The following MPV17 variants were observed in gnomAD, a reference collection of about 807,000 sequenced individuals.
MPV17 encodes the protein mitochondrial inner membrane protein MPV17.
Under a neutral mutation model 28.6 loss-of-function variants are expected in MPV17, and 31 were observed. The observed-to-expected ratio is 1.08, with a 90% CI of 0.81 to 1.46. MPV17 has a LOEUF of 1.46. Among genes scored for constraint, MPV17 ranks in the 40% most tolerant of loss-of-function variants. The pLI is 0.00. For missense variants in MPV17, 198 were observed against 216.2 expected (o/e 0.92, Z 0.53); for synonymous variants, 87 against 85.3 (o/e 1.02, Z -0.11).
At chr2:27,316,118 G>A (rs1010353797) in intron 2 of MPV17, 47 of 1,550,928 alleles carry the variant, frequency 3.0e-5, no homozygotes, top group African/African-American at 5.5e-5. Context: ...CTTCCTCTCT[G>A]TCTTTACTCC....
chr2:27,310,205 C>T (rs899395691), intron 7 of MPV17, among the ~76,000 whole-genome samples: 9 of 152,108 alleles, frequency 5.9e-5, no homozygotes, highest in Admixed American at 3.9e-4. Flanking sequence ...AATCAATTCT[C>T]GTGCCTCAGC....
At chr2:27,315,995 TCA>T in intron 2 of MPV17, 1 of 1,534,208 alleles carries the variant, frequency 6.5e-7, no homozygotes, top group Admixed American at 2.0e-5. Context: ...TGAGATGGGC[TCA>T]GAGGTCAGTG....
rs1268436604 is a variant in MPV17 at position 27,317,373 on chromosome 2, C to A, written c.71-4264G>T. On this transcript the variant is annotated intron_variant, in intron 2 of 7. Transcript: ENST00000380044. The surrounding 1 kb of genome is among the most constrained non-coding windows in gnomAD (Gnocchi z 4.0). ...TCTCCCATTTCTGACCTGAACCCAT[C>A]CTACTGCTAGAAAATGAGACAAAAC... 5 of 696,460 alleles carry A rather than the reference C, an allele frequency of 7.2e-6. No individual in the cohort carries two copies. The highest frequency in any genetic ancestry group is 1.1e-5 in the Non-Finnish European group (5 of 445,904). The allele number at this position is 696,460 out of a possible 1,614,324, so 43.1% of individuals were successfully genotyped here.
Position 27,317,055 on chromosome 2 carries a change from T to C in MPV17, c.71-3946A>G. The C allele has an allele frequency of 6.5e-7, 1 of 1,537,694 alleles. No individual in the cohort carries two copies. The highest frequency in any genetic ancestry group is 8.8e-7 in the Non-Finnish European group (1 of 1,140,474). On this transcript the variant is annotated intron_variant, in intron 2 of 7. Coordinates refer to ENST00000380044, the MANE Select transcript of MPV17 (RefSeq NM_002437.5). The surrounding 1 kb of genome is among the most constrained non-coding windows in gnomAD (Gnocchi z 4.0). The stretch of plus-strand genomic sequence containing the variant: ...ATGGGCAGGGTAAATTCCCTACTTC[T>C]CCTATTTTGTTCCTCTACTTACTTT...
At chr2:27,319,615 G>A (rs1244590567) in intron 2 of MPV17, among the ~76,000 whole-genome samples, 1 of 151,126 alleles carries the variant, frequency 6.6e-6, no homozygotes, top group East Asian at 2.0e-4. Flanking sequence ...GAGTCTTTAA[G>A]TTCACTGAGC....
chr2:27,314,448 C>A (rs1009768085), intron 2 of MPV17, among the ~76,000 whole-genome samples: 2 of 152,176 alleles, frequency 1.3e-5, no homozygotes, highest in Non-Finnish European at 2.9e-5. Context: ...ATCAGCTAAA[C>A]CAAGATTTCC....
At chr2:27,313,847 G>T (rs775465065) in intron 2 of MPV17, among the ~76,000 whole-genome samples, 2 of 152,140 alleles carry the variant, frequency 1.3e-5, no homozygotes, top group Non-Finnish European at 2.9e-5. Context: ...AAGTAGCTGG[G>T]ACTACAGGCA....
intron 2 of MPV17, chr2:27,316,984 T>A: frequency 8.2e-7 from 1 of 1,226,170 alleles, no homozygotes. Flanking sequence ...GACCACTTCC[T>A]GCCCACTAGT....
At chr2:27,322,605 T>C (rs1558606304) in intron 1 of MPV17, 83 bp from the exon 2 acceptor site, 1 of 1,101,364 alleles carries the variant, frequency 9.1e-7, no homozygotes, top group Non-Finnish European at 1.4e-6. Context: ...TTGTGCCCAC[T>C]CCCTTCCCCT....
rs201202659 is a variant in MPV17, at chr2:27,309,900, A to C, written c.*12T>G. 9.2e-4 allele frequency: 1,479 copies of C among 1,611,112 alleles called. 1 individual carries two copies. Among genetic ancestry groups the C allele is most frequent in the Middle Eastern group, 1.8e-3 (11 of 6,060 alleles). ...CATCACTGCAAGGTGGAAACGATGG[A>C]GTGAGGCAGGCTTAGAGCCGATGTG... On this transcript the variant is annotated 3_prime_UTR_variant, in exon 8 of 8. Transcript: ENST00000380044.
At chr2:27,311,414 C>T (rs35902415) in intron 7 of MPV17, 2 of 660,092 alleles carry the variant, frequency 3.0e-6, no homozygotes, top group African/African-American at 3.6e-5. Flanking sequence ...CCTGTTCCCT[C>T]TGAAGCGTTC....
chr2:27,322,246 G>T lies in MPV17; in HGVS notation c.70+202C>A, dbSNP rs144160952. On this transcript the variant is annotated intron_variant, in intron 2 of 7. Coordinates refer to ENST00000380044, the MANE Select transcript of MPV17 (RefSeq NM_002437.5). ...TGAAATCCTAAAACCCTACTGCACA[G>T]CTTGGCCAACTACGCATACCCCTTA... 76 of 628,976 alleles carry T rather than the reference G, an allele frequency of 1.2e-4. No individual in the cohort carries two copies. The East Asian group carries it at 2.0e-3, about 17-fold the overall frequency. The allele number at this position is 628,976 out of a possible 1,614,324, so 39.0% of individuals were successfully genotyped here.
intron 6 of MPV17, 82 bp downstream of exon 6, chr2:27,312,132 A>T (rs531941081): frequency 1.3e-6 from 2 of 1,523,778 alleles, no homozygotes; most frequent in Admixed American, 1.7e-5. Flanking sequence ...AGGGTTTCCC[A>T]TGTCAGGAGG....
At chr2:27,312,025 A>T in intron 6 of MPV17, 74 bp from the exon 7 acceptor site, 1 of 1,562,726 alleles carries the variant, frequency 6.4e-7, no homozygotes, top group African/African-American at 1.3e-5. Flanking sequence ...GCCTGGCCCT[A>T]CCCCAACTTC....
intron 2 of MPV17, chr2:27,313,361 T>C (rs923866343): frequency 1.4e-5 from 10 of 731,820 alleles, no homozygotes; most frequent in African/African-American, 1.2e-4. Context: ...CATTGAGCAG[T>C]AAAGGGAAGT....
rs1397019715 is a variant in MPV17 at position 27,322,109 on chromosome 2, G to A, written c.70+339C>T. On this transcript the variant is annotated intron_variant, in intron 2 of 7. Coordinates refer to ENST00000380044, the MANE Select transcript of MPV17 (RefSeq NM_002437.5). Reference sequence around the variant, plus strand: ...TCACACACCTTTGTGGGGGCCCTATGCCATAACGTATATGAAAGTGCTTTG... The same window carrying A: ...TCACACACCTTTGTGGGGGCCCTATACCATAACGTATATGAAAGTGCTTTG... 1.1e-5 allele frequency: 4 copies of A among 364,992 alleles called. No homozygotes were observed. The East Asian group carries it at 2.3e-4, about 21-fold the overall frequency. 22.6% of individuals were successfully genotyped at this position (364,992 alleles called of 1,614,324 possible). A position where few individuals can be genotyped will look rare whatever the true frequency, so the allele number is the denominator to read the frequency against.
intron 7 of MPV17, 30 bp from the exon 8 acceptor site, chr2:27,310,011 G>A (rs868023926): frequency 3.2e-6 from 5 of 1,577,390 alleles, no homozygotes; most frequent in Middle Eastern, 1.7e-4. Context: ...CAATGAAGAG[G>A]AGGAAGGCTA....
chr2:27,312,143 AC>A, intron 6 of MPV17, 70 bp downstream of exon 6: 5 of 1,548,034 alleles, frequency 3.2e-6, no homozygotes, highest in East Asian at 2.2e-5. Flanking sequence ...TGTCAGGAGG[AC>A]CCCCCAATCC....
intron 2 of MPV17, chr2:27,316,104 T>C (rs1679640072): frequency 6.4e-7 from 1 of 1,550,938 alleles, no homozygotes; most frequent in Non-Finnish European, 8.7e-7. Flanking sequence ...CCTAGACTAA[T>C]GCACTTCCTC....
Sources: gnomAD v4.1 joint callset for allele counts (sites outside exome capture counted in the v4.1 genomes callset) on GRCh38, gnomAD v4.1.1 for gene constraint, Gnocchi (gnomAD v3.1) non-coding constraint, MANE v1.5 for transcripts, NCBI Gene and HGNC (gene_info 2026-07-23, HGNC 2026-07-21) for gene names.